Variants in NID2 observed in about 807,000 individuals in gnomAD.
The protein encoded by NID2 is nidogen 2.
NID2 carries 83 observed loss-of-function variants against 145.4 expected under a neutral mutation model. The observed-to-expected ratio is 0.57, with a 90% confidence interval of 0.48 to 0.69. NID2 has a LOEUF of 0.69. Among genes scored for constraint, NID2 ranks in the 30% least tolerant of loss-of-function variants. The pLI is 0.00. For missense variants in NID2, 1,807 were observed against 1,765.7 expected (o/e 1.02, Z -0.42); for synonymous variants, 739 against 701.3 (o/e 1.05, Z -0.85).
chr14:52,019,405 C>G (rs17124896), intron 13 of NID2, 111 bp from the exon 14 acceptor site: 76,634 of 758,962 alleles, frequency 0.1, 4,439 homozygotes, highest in Non-Finnish European at 0.11. Flanking sequence ...TTTTGGAGCC[C>G]GAGATTCTTA....
chr14:52,005,423 T>C lies in NID2; in HGVS notation c.*63A>G. The C allele has an allele frequency of 6.8e-7, 1 of 1,462,214 alleles. No homozygotes were observed. The highest frequency in any genetic ancestry group is 1.5e-5 in the South Asian group (1 of 65,400). 90.6% of individuals were successfully genotyped at this position (1,462,214 alleles called of 1,614,324 possible). On this transcript the variant is annotated 3_prime_UTR_variant, in exon 22 of 22. Coordinates refer to ENST00000216286, the MANE Select transcript of NID2 (RefSeq NM_007361.4). The stretch of plus-strand genomic sequence containing the variant: ...TTTTTTACTTTCTTTGCCTTTGCAG[T>C]CACTGTTCTTTAGGGTCCAGGTTCT...
At chr14:52,026,291 A>T (rs896398981) in intron 12 of NID2, among the ~76,000 whole-genome samples, 8 of 152,242 alleles carry the variant, frequency 5.3e-5, no homozygotes, top group Non-Finnish European at 8.8e-5. Flanking sequence ...TTCTTAGCAC[A>T]TCAGCTCGGT....
chr14:52,030,567 A>AAGAAAGAGAAAGAAAAGAAAGAAAGAAC (rs1185429260), intron 9 of NID2, among the ~76,000 whole-genome samples: 1 of 99,272 alleles, frequency 1.0e-5, no homozygotes, highest in African/African-American at 3.9e-5. Context: ...AAAGAAAGAA[A>AAGAAAGAGAAAGAAAAGAAAGAAAGAAC]GGAAGGAAGG....
intron 20 of NID2, 174 bp downstream of exon 20, chr14:52,006,341 GTAAAAGGATGATTTCAAAAACA>G: frequency 3.5e-6 from 2 of 576,210 alleles, no homozygotes. Flanking sequence ...TCTGGGTGAA[GTAAAAGGATGATTTCAAAAACA>G]TGAAAGGATG....
chr14:52,029,745 C>CACAG (rs1299021822), intron 9 of NID2, 55 bp from the exon 10 acceptor site: 7 of 1,523,042 alleles, frequency 4.6e-6, no homozygotes. Context: ...AAGCAAATGT[C>CACAG]ACGGAGATAG....
intron 9 of NID2, among the ~76,000 whole-genome samples, chr14:52,035,201 A>T (rs573200787): frequency 6.6e-6 from 1 of 152,320 alleles, no homozygotes; most frequent in South Asian, 2.1e-4. Flanking sequence ...ATAATGGCCT[A>T]TAACCAACAT....
chr14:52,012,359 G>A (rs55979603), intron 16 of NID2, among the ~76,000 whole-genome samples: 15,436 of 152,180 alleles, frequency 0.1, 833 homozygotes, highest in Non-Finnish European at 0.11. Flanking sequence ...ATCCCTGTCC[G>A]TTGGGAGGCC....
Position 52,054,093 on chromosome 14 carries a change from T to C in NID2, c.996A>G (p.Pro332=), listed in dbSNP as rs138707582. Residue 332 remains proline, a synonymous_variant, in exon 4 of 22, where the codon CCA becomes CCG. Coordinates refer to ENST00000216286, the MANE Select transcript of NID2 (RefSeq NM_007361.4). ...TGCTGTGGCCATTCAATGCCTCCTC[T>C]GGTTCACCCGGAAGGTATTCAGCTT... ...EEEAEYLPGE[P]EEALNGHSSI... The C allele has an allele frequency of 3.0e-4, 485 of 1,614,200 alleles. No homozygotes were observed. The African/African-American group carries it at 5.9e-3, about 20-fold the overall frequency.
intron 14 of NID2, among the ~76,000 whole-genome samples, chr14:52,015,762 C>T (rs1891195107): frequency 6.6e-6 from 1 of 152,188 alleles, no homozygotes; most frequent in Non-Finnish European, 1.5e-5. Flanking sequence ...CTCGAAGCTG[C>T]TGAGGAGAGG....
intron 2 of NID2, among the ~76,000 whole-genome samples, chr14:52,064,928 A>T (rs1476274246): frequency 6.6e-6 from 1 of 151,424 alleles, no homozygotes. Flanking sequence ...AAAACAAAAC[A>T]CTCCTCTTTC....
chr14:52,057,973 G>GT (rs1440161116), intron 3 of NID2, among the ~76,000 whole-genome samples: 1 of 152,166 alleles, frequency 6.6e-6, no homozygotes, highest in East Asian at 1.9e-4. Flanking sequence ...GAAAAGACCA[G>GT]TAACTTTGAC....
intron 7 of NID2, among the ~76,000 whole-genome samples, chr14:52,041,526 G>C (rs1347895010): frequency 6.6e-6 from 1 of 152,172 alleles, no homozygotes; most frequent in African/African-American, 2.4e-5. Flanking sequence ...AATCCTTGTT[G>C]TCAACGGGTG....
chr14:52,005,533 G>A (rs1183644799), intron 21 of NID2, 37 bp from the exon 22 acceptor site: 4 of 1,590,696 alleles, frequency 2.5e-6, no homozygotes, highest in Non-Finnish European at 3.4e-6. Flanking sequence ...AGGGTGGTGG[G>A]TGAGTATATT....
chr14:52,010,251 A>T (rs531561401), intron 18 of NID2: 6 of 152,240 alleles, frequency 3.9e-5, no homozygotes, highest in Non-Finnish European at 8.8e-5. Context: ...GCATCTGGGA[A>T]TTTCATTTCG....
intron 12 of NID2, among the ~76,000 whole-genome samples, chr14:52,022,196 C>CTGA (rs1891425372): frequency 6.6e-6 from 1 of 152,166 alleles, no homozygotes; most frequent in African/African-American, 2.4e-5. Flanking sequence ...CCTAAGAATT[C>CTGA]TGACTCAATC....
intron 3 of NID2, among the ~76,000 whole-genome samples, chr14:52,056,885 G>A (rs995086975): frequency 2.6e-5 from 4 of 152,184 alleles, no homozygotes; most frequent in African/African-American, 9.6e-5. Flanking sequence ...AGAAAAGTAT[G>A]ATTTCAAAAT....
At chr14:52,044,039 G>A (rs1405348471) in intron 5 of NID2, among the ~76,000 whole-genome samples, 1 of 152,128 alleles carries the variant, frequency 6.6e-6, no homozygotes, top group African/African-American at 2.4e-5. Flanking sequence ...CCAAGTGGTA[G>A]TTGTGTTCCA....
At chr14:52,029,732 G>A (rs1198366262) in intron 9 of NID2, 42 bp from the exon 10 acceptor site, 13 of 1,581,424 alleles carry the variant, frequency 8.2e-6, no homozygotes, top group South Asian at 1.1e-5. Flanking sequence ...TCTGGCTATT[G>A]GTAAGCAAAT....
chr14:52,032,470 C>T (rs1462383479), intron 9 of NID2, among the ~76,000 whole-genome samples: 2 of 152,176 alleles, frequency 1.3e-5, no homozygotes, highest in African/African-American at 2.4e-5. Context: ...TTGTGGTTGC[C>T]GAGTTAACTT....
Sources: gnomAD v4.1 joint callset for allele counts (sites outside exome capture counted in the v4.1 genomes callset) on GRCh38, gnomAD v4.1.1 for gene constraint, MANE v1.5 for transcripts, NCBI Gene and HGNC (gene_info 2026-07-23, HGNC 2026-07-21) for gene names.